The following FGF5 variants were observed in gnomAD, a reference collection of about 807,000 sequenced individuals.
FGF5 encodes the protein fibroblast growth factor 5, also known as heparin-binding growth factor 5.
In FGF5, 23 loss-of-function variants were observed where a neutral mutation model predicts 21.8. The ratio of observed to expected loss-of-function variants is 1.05; its 90% CI spans 0.76 to 1.49. The LOEUF (loss-of-function observed/expected upper bound fraction) is 1.49, where lower values mean the gene tolerates loss of function less well. FGF5 is among the 40% of genes most tolerant of loss of function. The pLI, the probability that FGF5 is intolerant of heterozygous loss-of-function variation, is 0.00. For missense variants in FGF5, 352 were observed against 332.9 expected (o/e 1.06, Z -0.45); for synonymous variants, 158 against 124.0 (o/e 1.27, Z -1.82).
chr4:80,275,875 T>C (rs1373450409), intron 2 of FGF5, among the ~76,000 whole-genome samples: 1 of 152,048 alleles, frequency 6.6e-6, no homozygotes, highest in African/African-American at 2.4e-5. Context: ...TTAAAGTTAG[T>C]CCTTTAATCC....
intron 2 of FGF5, among the ~76,000 whole-genome samples, chr4:80,283,470 C>T (rs776368800): frequency 3.3e-5 from 5 of 151,924 alleles, no homozygotes; most frequent in Non-Finnish European, 7.4e-5. Context: ...TATGAAAGAT[C>T]CTAAAATGGA....
chr4:80,268,415 C>T (rs1720162694), intron 1 of FGF5: 2 of 883,260 alleles, frequency 2.3e-6, no homozygotes, highest in Non-Finnish European at 2.7e-6. Context: ...CTGGTTGCTC[C>T]TAGATGTTCC....
chr4:80,267,201 A>G (rs1283244039), intron 1 of FGF5, 22 bp downstream of exon 1: 1 of 1,564,140 alleles, frequency 6.4e-7, no homozygotes. Context: ...GCTCTCCTAC[A>G]AAACCCGTCC....
rs960688477 is a variant in FGF5 at position 80,288,139 on chromosome 4, G to C, written c.*1467G>C. The C allele has an allele frequency of 2.6e-5, 4 of 151,934 alleles. No homozygotes were observed. The highest frequency in any genetic ancestry group is 2.6e-4 in the Admixed American group (4 of 15,238). 9.4% of individuals were successfully genotyped at this position (151,934 alleles called of 1,614,324 possible). A position where few individuals can be genotyped will look rare whatever the true frequency, so the allele number is the denominator to read the frequency against. On this transcript the variant is annotated 3_prime_UTR_variant, in exon 3 of 3. Coordinates refer to ENST00000312465, the MANE Select transcript of FGF5 (RefSeq NM_004464.4). The stretch of plus-strand genomic sequence containing the variant: ...CATATGGCTTTAGTAGTAACAAAAG[G>C]GTTCATAGAAACTTCATGGTTTGCA...
At position 80,288,744 on chromosome 4, in the gene FGF5, C is replaced by A. The variant is rs188559918; in HGVS notation, c.*2072C>A. 1.2e-3 allele frequency: 183 copies of A among 152,620 alleles called. No individual in the cohort carries two copies. The highest frequency in any genetic ancestry group is 4.1e-3 in the African/African-American group (170 of 41,532). The allele number at this position is 152,620 out of a possible 1,614,324, so 9.5% of individuals were successfully genotyped here. On this transcript the variant is annotated 3_prime_UTR_variant, in exon 3 of 3. Transcript: ENST00000312465. ...AGGGAAAGATAATAATGATGGTCAA[C>A]AATAAGCCACGTCAATGCATAAGTT...
In FGF5 at chr4:80,290,879, T is replaced by C. The variant is rs1017977286; in HGVS notation, c.*4207T>C. 6.6e-6 allele frequency: 1 copy of C among 152,234 alleles called. No homozygotes were observed. Among genetic ancestry groups the C allele is most frequent in the Non-Finnish European group, 1.5e-5 (1 of 68,046 alleles). 9.4% of individuals were successfully genotyped at this position (152,234 alleles called of 1,614,324 possible). Reference sequence around the variant, plus strand: ...CAAAGAACATGAACTCATCATTTTTTATGGCTGCATAGTATTCCATGGTGT... The same window carrying C: ...CAAAGAACATGAACTCATCATTTTTCATGGCTGCATAGTATTCCATGGTGT... On this transcript the variant is annotated 3_prime_UTR_variant, in exon 3 of 3. Coordinates refer to ENST00000312465, the MANE Select transcript of FGF5 (RefSeq NM_004464.4).
intron 1 of FGF5, among the ~76,000 whole-genome samples, chr4:80,270,654 A>G (rs1379088194): frequency 6.6e-6 from 1 of 152,222 alleles, no homozygotes; most frequent in Non-Finnish European, 1.5e-5. Context: ...GGTTTAATTT[A>G]TACGCCTTCA....
chr4:80,282,359 T>C (rs1437245098), intron 2 of FGF5, among the ~76,000 whole-genome samples: 1 of 152,218 alleles, frequency 6.6e-6, no homozygotes, highest in Non-Finnish European at 1.5e-5. Context: ...AGTTCTTTTT[T>C]TTTTGTCAAT....
chr4:80,287,607 T>C lies in FGF5; in HGVS notation c.*935T>C, dbSNP rs1720773909. 1 of 152,192 alleles carries C rather than the reference T, an allele frequency of 6.6e-6. No homozygotes were observed. Among genetic ancestry groups the C allele is most frequent in the African/African-American group, 2.4e-5 (1 of 41,452 alleles). The allele number at this position is 152,192 out of a possible 1,614,324, so 9.4% of individuals were successfully genotyped here. On this transcript the variant is annotated 3_prime_UTR_variant, in exon 3 of 3. Transcript: ENST00000312465. Reference sequence around the variant, plus strand: ...CCTCATTCTTGAACAGCTGGAGGAATACATTTTATTCTGTCCATGAAGCAT... The same window carrying C: ...CCTCATTCTTGAACAGCTGGAGGAACACATTTTATTCTGTCCATGAAGCAT...
chr4:80,267,593 TA>T (rs1416914564), intron 1 of FGF5, among the ~76,000 whole-genome samples: 6 of 152,212 alleles, frequency 3.9e-5, no homozygotes, highest in African/African-American at 1.4e-4. Flanking sequence ...TCCCTATCCA[TA>T]ACTGAAGTTA....
chr4:80,274,428 A>G (rs2109920976), intron 1 of FGF5, among the ~76,000 whole-genome samples: 1 of 152,070 alleles, frequency 6.6e-6, no homozygotes, highest in East Asian at 1.9e-4. Context: ...TATAACCTTG[A>G]TAATTAGAGT....
At position 80,287,682 on chromosome 4, in the gene FGF5, C is replaced by T. The variant is rs1720776029; in HGVS notation, c.*1010C>T. The T allele has an allele frequency of 3.9e-5, 6 of 152,232 alleles. No homozygotes were observed. Among genetic ancestry groups the T allele is most frequent in the Admixed American group, 2.0e-4 (3 of 15,290 alleles). The allele number at this position is 152,232 out of a possible 1,614,324, so 9.4% of individuals were successfully genotyped here. A position where few individuals can be genotyped will look rare whatever the true frequency, so the allele number is the denominator to read the frequency against. On this transcript the variant is annotated 3_prime_UTR_variant, in exon 3 of 3. Coordinates refer to ENST00000312465, the MANE Select transcript of FGF5 (RefSeq NM_004464.4). ...AAATACTTCTATGACTCTCTGCTATCCCACTGTATAGATCCACAGGGAGCA... is the reference window on the plus strand; with the variant it reads ...AAATACTTCTATGACTCTCTGCTATTCCACTGTATAGATCCACAGGGAGCA...
chr4:80,266,630 C>G (rs986101022), upstream of FGF5: 3 of 585,512 alleles, frequency 5.1e-6, no homozygotes, highest in Non-Finnish European at 9.0e-6. Context: ...AGATCACTGG[C>G]GTTATAAATA....
chr4:80,286,874 G>T lies in FGF5; in HGVS notation c.*202G>T. Reference sequence around the variant, plus strand: ...GGAATTCTTTGTACTAATACAGGGAGCACACTCCTTCAGTTCAGCAAGACA... The same window carrying T: ...GGAATTCTTTGTACTAATACAGGGATCACACTCCTTCAGTTCAGCAAGACA... On this transcript the variant is annotated 3_prime_UTR_variant, in exon 3 of 3. Transcript: ENST00000312465. 1.9e-6 allele frequency: 1 copy of T among 536,340 alleles called. No homozygotes were observed. Among genetic ancestry groups the T allele is most frequent in the South Asian group, 3.0e-5 (1 of 33,788 alleles). The allele number at this position is 536,340 out of a possible 1,614,324, so 33.2% of individuals were successfully genotyped here.
At chr4:80,285,897 A>C (rs1232046602) in intron 2 of FGF5, among the ~76,000 whole-genome samples, 2 of 152,196 alleles carry the variant, frequency 1.3e-5, no homozygotes, top group Non-Finnish European at 2.9e-5. Context: ...ATTTCTGTGA[A>C]CAGGAATTTA....
intron 1 of FGF5, among the ~76,000 whole-genome samples, chr4:80,270,391 A>G (rs1021706264): frequency 6.6e-6 from 1 of 151,504 alleles, no homozygotes; most frequent in Non-Finnish European, 1.5e-5. Flanking sequence ...GCAAATTGCA[A>G]ATGTTTTCTG....
Position 80,267,105 on chromosome 4 carries a change from G to A in FGF5, c.281G>A (p.Arg94Lys). The A allele has an allele frequency of 6.2e-7, 1 of 1,614,182 alleles. No individual in the cohort carries two copies. The highest frequency in any genetic ancestry group is 8.5e-7 in the Non-Finnish European group (1 of 1,180,034). ...SGRRTGSLYC[R>K]VGIGFHLQIY... Reference sequence around the variant, plus strand: ...CGCCGGACCGGCAGCCTCTACTGCAGAGTGGGCATCGGTTTCCATCTGCAG... The same window carrying A: ...CGCCGGACCGGCAGCCTCTACTGCAAAGTGGGCATCGGTTTCCATCTGCAG... The change falls in exon 1 of 3, where the codon AGA becomes AAA. Residue 94 changes from arginine to lysine, a missense_variant. Coordinates refer to ENST00000312465, the MANE Select transcript of FGF5 (RefSeq NM_004464.4).
At chr4:80,268,743 C>G (rs983150172) in intron 1 of FGF5, among the ~76,000 whole-genome samples, 1 of 152,336 alleles carries the variant, frequency 6.6e-6, no homozygotes, top group East Asian at 1.9e-4. Context: ...GCGCCTGGAG[C>G]GCCCAGCTGG....
intron 2 of FGF5, among the ~76,000 whole-genome samples, chr4:80,280,428 T>C (rs1177584526): frequency 6.6e-6 from 1 of 152,220 alleles, no homozygotes; most frequent in Non-Finnish European, 1.5e-5. Context: ...GTGACACTTG[T>C]CATTCATCAA....
Sources: allele counts gnomAD v4.1 joint callset (sites outside exome capture counted in the v4.1 genomes callset), GRCh38; gene constraint gnomAD v4.1.1; transcripts MANE v1.5; gene names NCBI Gene and HGNC (gene_info 2026-07-23, HGNC 2026-07-21).